Variants in VTCN1 observed in about 807,000 individuals in gnomAD.
VTCN1 encodes V-set domain containing T cell activation inhibitor 1, also known as V-set domain-containing T-cell activation inhibitor 1.
In VTCN1, 26 loss-of-function variants were observed where a neutral mutation model predicts 26.5. That is an observed-to-expected ratio of 0.98 (90% CI 0.72 to 1.36). VTCN1 has a LOEUF of 1.36. Ranked by LOEUF, VTCN1 falls within the 40% of genes most tolerant of loss-of-function variation. The pLI is 0.00. For synonymous variants in VTCN1, 116 were observed against 130.7 expected, an observed-to-expected ratio of 0.89 and a Z score of 0.77; for missense variants, 298 against 337.7, an observed-to-expected ratio of 0.88 and a Z score of 0.92.
At chr1:117,193,622 G>A (rs2101584008) in intron 1 of VTCN1, among the ~76,000 whole-genome samples, 1 of 152,156 alleles carries the variant, frequency 6.6e-6, no homozygotes. Flanking sequence ...CAGAACTGAA[G>A]GGAGAAAAGA....
At chr1:117,153,811 G>A (rs1399490738) in intron 3 of VTCN1, among the ~76,000 whole-genome samples, 2 of 152,134 alleles carry the variant, frequency 1.3e-5, no homozygotes, top group Non-Finnish European at 2.9e-5. Context: ...GAAACAAACA[G>A]CATTCATCTA....
At chr1:117,168,864 G>C (rs1473473254) in intron 2 of VTCN1, among the ~76,000 whole-genome samples, 1 of 152,088 alleles carries the variant, frequency 6.6e-6, no homozygotes, top group Non-Finnish European at 1.5e-5. Context: ...CATAGTGCTG[G>C]GATTATAGGC....
At chr1:117,173,393 A>G (rs1371608861) in intron 1 of VTCN1, 9 of 398,488 alleles carry the variant, frequency 2.3e-5, no homozygotes, top group Non-Finnish European at 3.5e-5. Context: ...CACACACAAC[A>G]CCATGTAAAG....
chr1:117,155,268 G>A lies in VTCN1; in HGVS notation c.445+1306C>T, dbSNP rs571880613. 6.6e-6 allele frequency among the ~76,000 whole-genome samples: 1 copy of A among 152,166 alleles called. No homozygotes were observed. Among genetic ancestry groups the A allele is most frequent in the Non-Finnish European group, 1.5e-5 (1 of 68,034 alleles). On this transcript the variant is annotated intron_variant, in intron 3 of 5. Transcript: ENST00000369458. The surrounding 1 kb of genome is among the most constrained non-coding windows in gnomAD (Gnocchi z 4.8). ...CATGCTGTTAACATGACTTATTAAT[G>A]ATGTTAACCTGGATCACCTGGCTAA...
chr1:117,198,023 G>T (rs1648602368), intron 1 of VTCN1, among the ~76,000 whole-genome samples: 1 of 152,166 alleles, frequency 6.6e-6, no homozygotes, highest in Non-Finnish European at 1.5e-5. Flanking sequence ...CTCACTCTGG[G>T]CACTGCCTTC....
intron 1 of VTCN1, chr1:117,172,562 C>A: frequency 2.1e-6 from 1 of 485,836 alleles, no homozygotes; most frequent in Non-Finnish European, 4.1e-6. Context: ...TAAAATACTT[C>A]ATCGCTCTGA....
intron 1 of VTCN1, among the ~76,000 whole-genome samples, chr1:117,180,991 G>A (rs1323506067): frequency 1.3e-5 from 2 of 152,220 alleles, no homozygotes; most frequent in African/African-American, 4.8e-5. Context: ...GAACAGTTGG[G>A]CAACACTGCA....
chr1:117,162,217 G>A (rs972055098), intron 2 of VTCN1, among the ~76,000 whole-genome samples: 7 of 152,094 alleles, frequency 4.6e-5, no homozygotes, highest in African/African-American at 1.7e-4. Flanking sequence ...AAACCACAGG[G>A]ACCTAGCCAT....
rs1003474081 is a variant in VTCN1 at position 117,153,295 on chromosome 1, A to T, written c.520T>A (p.Phe174Ile). Residue 174 changes from phenylalanine to isoleucine, a missense_variant, in exon 4 of 6, where the codon TTC becomes ATC. Physicochemically the swap from Phe to Ile is conservative, Grantham distance 21 (BLOSUM62 0). Coordinates refer to ENST00000369458, the MANE Select transcript of VTCN1 (RefSeq NM_024626.4). Reference protein sequence around the residue: ...ETLRCEAPRWFPQPTVVWASQ... With the variant: ...ETLRCEAPRWIPQPTVVWASQ... Reference sequence around the variant, plus strand: ...GCCCAGACCACTGTGGGCTGGGGGAACCATCGGGGAGCCTCACACCGCAAG... The same window carrying T: ...GCCCAGACCACTGTGGGCTGGGGGATCCATCGGGGAGCCTCACACCGCAAG... 1.2e-6 allele frequency: 2 copies of T among 1,613,914 alleles called. No individual in the cohort carries two copies. The highest frequency in any genetic ancestry group is 1.7e-6 in the Non-Finnish European group (2 of 1,179,992).
rs1302713305 is a variant in VTCN1 at position 117,147,756 on chromosome 1, G to T, written c.751C>A (p.Leu251Ile). ...GAAGCCTTTGAGTTTAGCAGCTGTA[G>T]GTGACTCCGCCTTTTGATCTCCGAT... ...TESEIKRRSH[L>I]QLLNSKASLC... The change falls in exon 5 of 6, where the codon CTA becomes ATA. Residue 251 changes from leucine (L) to isoleucine (I), a missense_variant. Physicochemically the swap from Leu to Ile is conservative, Grantham distance 5. Coordinates refer to ENST00000369458, the MANE Select transcript of VTCN1 (RefSeq NM_024626.4). The surrounding 1 kb of genome is among the most constrained non-coding windows in gnomAD (Gnocchi z 4.6). The T allele has an allele frequency of 1.9e-6, 3 of 1,613,772 alleles. No individual in the cohort carries two copies. Among genetic ancestry groups the T allele is most frequent in the Non-Finnish European group, 2.5e-6 (3 of 1,179,928 alleles).
intron 2 of VTCN1, among the ~76,000 whole-genome samples, chr1:117,168,239 A>G (rs530080838): frequency 6.6e-6 from 1 of 152,338 alleles, no homozygotes; most frequent in African/African-American, 2.4e-5. Context: ...GAAACAGGCT[A>G]GTGAATTCAG....
chr1:117,178,985 A>T (rs1244599581), intron 1 of VTCN1, among the ~76,000 whole-genome samples: 1 of 152,180 alleles, frequency 6.6e-6, no homozygotes, highest in Non-Finnish European at 1.5e-5. Context: ...ACTGCTAGCT[A>T]CAAAACCACG....
At position 117,200,923 on chromosome 1, in the gene VTCN1, AT is replaced by A. The variant is rs1269888442; in HGVS notation, c.32+9900del. 7.2e-5 allele frequency among the ~76,000 whole-genome samples: 11 copies of A among 152,042 alleles called. No individual in the cohort carries two copies. In the East Asian group the frequency reaches 1.5e-3, roughly 21 times the overall value. On this transcript the variant is annotated intron_variant, in intron 1 of 5. Transcript: ENST00000369458. ...TAATCCCAGCTACTACGCCAGGCTA[AT>A]TTTTTTGGTTTGTTTTTTGTTTGGT...
At chr1:117,151,338 T>C (rs977063463) in intron 4 of VTCN1, among the ~76,000 whole-genome samples, 1 of 152,128 alleles carries the variant, frequency 6.6e-6, no homozygotes, top group African/African-American at 2.4e-5. Context: ...ACTTCAGGAA[T>C]GAAGCTGCAG....
At position 117,145,659 on chromosome 1, in the gene VTCN1, G is replaced by T. The variant is rs763036506; in HGVS notation, c.*46-434C>A. On this transcript the variant is annotated intron_variant, in intron 5 of 5. Coordinates refer to ENST00000369458, the MANE Select transcript of VTCN1 (RefSeq NM_024626.4). The surrounding 1 kb of genome is among the most constrained non-coding windows in gnomAD (Gnocchi z 4.6). Reference sequence around the variant, plus strand: ...TTTATCATTATTTTTTTGAGACAGGGTCTCACTCTGTTGCCCAGGCTGGAG... The same window carrying T: ...TTTATCATTATTTTTTTGAGACAGGTTCTCACTCTGTTGCCCAGGCTGGAG... Among the ~76,000 whole-genome samples, 6 of 152,084 alleles carry T rather than the reference G, an allele frequency of 3.9e-5. No homozygotes were observed. Among genetic ancestry groups the T allele is most frequent in the Non-Finnish European group, 7.4e-5 (5 of 67,990 alleles).
intron 1 of VTCN1, among the ~76,000 whole-genome samples, chr1:117,205,228 C>G (rs1022163094): frequency 6.6e-6 from 1 of 151,254 alleles, no homozygotes; most frequent in Admixed American, 6.6e-5. Context: ...CCAATGATGG[C>G]TCACTGCAAC....
At chr1:117,180,941 C>T (rs79546766) in intron 1 of VTCN1, among the ~76,000 whole-genome samples, 4,655 of 152,280 alleles carry the variant, frequency 0.031, 250 homozygotes, top group African/African-American at 0.11. Context: ...ACAGAGAACC[C>T]GGCATTTCCT....
Position 117,169,937 on chromosome 1 carries a change from G to A in VTCN1, c.97+170C>T, listed in dbSNP as rs569428125. 6.6e-6 allele frequency among the ~76,000 whole-genome samples: 1 copy of A among 152,198 alleles called. No individual in the cohort carries two copies. The highest frequency in any genetic ancestry group is 2.4e-5 in the African/African-American group (1 of 41,530). ...AATAAAAAATGAGGACACTGAAGTCGAGGACTTAACTGACTAATGTAGAGA... is the reference window on the plus strand; with the variant it reads ...AATAAAAAATGAGGACACTGAAGTCAAGGACTTAACTGACTAATGTAGAGA... On this transcript the variant is annotated intron_variant, in intron 2 of 5. Coordinates refer to ENST00000369458, the MANE Select transcript of VTCN1 (RefSeq NM_024626.4). The surrounding 1 kb of genome is among the most constrained non-coding windows in gnomAD (Gnocchi z 4.0).
intron 1 of VTCN1, among the ~76,000 whole-genome samples, chr1:117,196,401 T>TAGAG (rs200919916): frequency 2.0e-5 from 3 of 148,046 alleles, no homozygotes; most frequent in Middle Eastern, 3.5e-3. Flanking sequence ...TATATATATA[T>TAGAG]ATAGAGAGAG....
Sources: gnomAD v4.1 joint callset for allele counts (sites outside exome capture counted in the v4.1 genomes callset) on GRCh38, gnomAD v4.1.1 for gene constraint, Gnocchi (gnomAD v3.1) non-coding constraint, MANE v1.5 for transcripts, NCBI Gene and HGNC (gene_info 2026-07-23, HGNC 2026-07-21) for gene names.